Variants in TRPC4 observed in about 807,000 individuals in gnomAD.
The protein encoded by TRPC4 is short transient receptor potential channel 4.
TRPC4 carries 49 observed loss-of-function variants against 99.4 expected under a neutral mutation model. The ratio of observed to expected loss-of-function variants is 0.49; its 90% CI spans 0.39 to 0.63. The LOEUF (loss-of-function observed/expected upper bound fraction) is 0.63. TRPC4 is among the 20% of genes least tolerant of loss of function. TRPC4 has a pLI of 0.00. For missense variants in TRPC4, 898 were observed against 1,152.9 expected (o/e 0.78, Z 3.20); for synonymous variants, 454 against 425.9 (o/e 1.07, Z -0.81).
At chr13:37,774,716 T>G (rs1418473477) in intron 2 of TRPC4, among the ~76,000 whole-genome samples, 2 of 151,698 alleles carry the variant, frequency 1.3e-5, no homozygotes, top group Non-Finnish European at 2.9e-5. Context: ...AAAGAACATT[T>G]AAAATTCTGC....
At chr13:37,761,588 A>G (rs1956222469) in intron 2 of TRPC4, among the ~76,000 whole-genome samples, 1 of 151,958 alleles carries the variant, frequency 6.6e-6, no homozygotes, top group Admixed American at 6.6e-5. Flanking sequence ...CAAGAACTGA[A>G]GAAACATATA....
At chr13:37,713,374 A>G (rs1337244752) in intron 3 of TRPC4, among the ~76,000 whole-genome samples, 1 of 152,220 alleles carries the variant, frequency 6.6e-6, no homozygotes, top group Non-Finnish European at 1.5e-5. Flanking sequence ...TCCTGGTTTA[A>G]TCAACCTCTA....
rs553532295 is a variant in TRPC4, at chr13:37,654,537, C to T, written c.1884+551G>A. ...ATGAATAAATAAATAACTTGTGCTA[C>T]GTTGTTTAGATTCCAGAGTTTCAAA... On this transcript the variant is annotated intron_variant, in intron 7 of 10. Transcript: ENST00000379705. Among the ~76,000 whole-genome samples the T allele has an allele frequency of 3.9e-5, 6 of 152,206 alleles. No individual in the cohort carries two copies. In the East Asian group the frequency reaches 5.8e-4, roughly 15 times the overall value.
intron 5 of TRPC4, among the ~76,000 whole-genome samples, chr13:37,666,524 T>G (rs183587119): frequency 2.6e-4 from 39 of 152,340 alleles, no homozygotes; most frequent in Admixed American, 2.4e-3. Flanking sequence ...ACATAGATAT[T>G]TTCTTAAGTT....
chr13:37,639,602 G>A lies in TRPC4; in HGVS notation c.2080-303C>T, dbSNP rs528643172. 7.2e-5 allele frequency among the ~76,000 whole-genome samples: 11 copies of A among 151,900 alleles called. No homozygotes were observed. In the East Asian group the frequency reaches 1.7e-3, roughly 24 times the overall value. ...CAGTTAATATGCACTCAACATTGACGGAATGATGCTAAGAGAAAGAGATAG... is the reference window on the plus strand; with the variant it reads ...CAGTTAATATGCACTCAACATTGACAGAATGATGCTAAGAGAAAGAGATAG... On this transcript the variant is annotated intron_variant, in intron 8 of 10. Transcript: ENST00000379705.
chr13:37,762,118 C>A (rs977311292), intron 2 of TRPC4, among the ~76,000 whole-genome samples: 1 of 151,818 alleles, frequency 6.6e-6, no homozygotes, highest in Non-Finnish European at 1.5e-5. Flanking sequence ...GGGTTATTAT[C>A]ACTAACTCTT....
intron 1 of TRPC4, among the ~76,000 whole-genome samples, chr13:37,860,724 T>C (rs1027859987): frequency 1.3e-5 from 2 of 151,474 alleles, no homozygotes; most frequent in African/African-American, 4.8e-5. Flanking sequence ...CCTACTATGG[T>C]TGAGGCAGCA....
chr13:37,802,827 G>T (rs1459372704), intron 1 of TRPC4, among the ~76,000 whole-genome samples: 1 of 151,958 alleles, frequency 6.6e-6, no homozygotes, highest in Non-Finnish European at 1.5e-5. Flanking sequence ...TTACAGTTTT[G>T]CCCACTGATT....
chr13:37,748,683 C>T (rs887365649), intron 2 of TRPC4, among the ~76,000 whole-genome samples: 1 of 150,130 alleles, frequency 6.7e-6, no homozygotes, highest in Non-Finnish European at 1.5e-5. Flanking sequence ...TTAAGAATTT[C>T]AAATTCATTA....
intron 3 of TRPC4, among the ~76,000 whole-genome samples, chr13:37,724,982 T>C (rs1412237143): frequency 6.6e-6 from 1 of 152,186 alleles, no homozygotes; most frequent in African/African-American, 2.4e-5. Flanking sequence ...TTAAAACATC[T>C]GTCTTGAAGG....
chr13:37,859,251 C>T (rs79451485), intron 1 of TRPC4, among the ~76,000 whole-genome samples: 2,887 of 151,152 alleles, frequency 0.019, 52 homozygotes, highest in African/African-American at 0.046. Context: ...TTTACTAGAA[C>T]ATGACATAGT....
chr13:37,719,809 T>C (rs1954805708), intron 3 of TRPC4, among the ~76,000 whole-genome samples: 1 of 151,756 alleles, frequency 6.6e-6, no homozygotes, highest in Non-Finnish European at 1.5e-5. Context: ...CATGTGGATA[T>C]GCTATGTTAC....
At chr13:37,743,409 G>T (rs536216138) in intron 3 of TRPC4, among the ~76,000 whole-genome samples, 3 of 152,144 alleles carry the variant, frequency 2.0e-5, no homozygotes, top group African/African-American at 7.2e-5. Context: ...TAGAGTTATG[G>T]CTTTTTCATA....
intron 3 of TRPC4, among the ~76,000 whole-genome samples, chr13:37,715,345 G>C (rs913779905): frequency 6.6e-6 from 1 of 152,142 alleles, no homozygotes; most frequent in African/African-American, 2.4e-5. Flanking sequence ...CTTTGCATAG[G>C]TTGAATGGTA....
chr13:37,726,118 C>A (rs1340392545), intron 3 of TRPC4, among the ~76,000 whole-genome samples: 2 of 151,868 alleles, frequency 1.3e-5, no homozygotes, highest in Non-Finnish European at 2.9e-5. Context: ...ATCACTTGAA[C>A]CCAGGAGGCG....
intron 1 of TRPC4, among the ~76,000 whole-genome samples, chr13:37,814,258 T>C (rs1331418144): frequency 6.6e-6 from 1 of 151,528 alleles, no homozygotes; most frequent in African/African-American, 2.4e-5. Context: ...ATCCCTGAGA[T>C]GGTGAACAAG....
intron 1 of TRPC4, among the ~76,000 whole-genome samples, chr13:37,830,762 G>T (rs1229570498): frequency 6.8e-6 from 1 of 146,152 alleles, no homozygotes; most frequent in South Asian, 2.1e-4. Flanking sequence ...AATCTATGGT[G>T]GTATAAATAA....
intron 1 of TRPC4, among the ~76,000 whole-genome samples, chr13:37,856,590 G>T (rs893706214): frequency 7.9e-5 from 12 of 151,006 alleles, no homozygotes; most frequent in African/African-American, 2.9e-4. Flanking sequence ...AAAGAAAACT[G>T]CAGGCCAATA....
chr13:37,697,209 G>A (rs987634544), intron 3 of TRPC4, among the ~76,000 whole-genome samples: 8 of 152,152 alleles, frequency 5.3e-5, no homozygotes, highest in Non-Finnish European at 4.4e-5. Context: ...AGATAAGTGA[G>A]GGGAGTGCCA....
Sources: allele counts gnomAD v4.1 joint callset (sites outside exome capture counted in the v4.1 genomes callset), GRCh38; gene constraint gnomAD v4.1.1; transcripts MANE v1.5; gene names NCBI Gene and HGNC (gene_info 2026-07-23, HGNC 2026-07-21).